MGAT4C: variants seen among roughly 807,000 people sequenced by gnomAD.
MGAT4C encodes alpha-1,3-mannosyl-glycoprotein 4-beta-N-acetylglucosaminyltransferase C.
Under a neutral mutation model 40.1 loss-of-function variants are expected in MGAT4C, and 19 were observed. The observed-to-expected ratio is 0.47, with a 90% CI of 0.33 to 0.70. The LOEUF is 0.70. Ranked by LOEUF, MGAT4C falls within the 30% of genes least tolerant of loss-of-function variation. The pLI, the probability that MGAT4C is intolerant of heterozygous loss-of-function variation, is 0.02. For synonymous variants in MGAT4C, 181 were observed against 187.1 expected (o/e 0.97, Z 0.27); for missense variants, 491 against 563.2 (o/e 0.87, Z 1.30).
chr12:86,154,926 A>G (rs2135781124), intron 1 of MGAT4C, among the ~76,000 whole-genome samples: 1 of 152,296 alleles, frequency 6.6e-6, no homozygotes, highest in East Asian at 1.9e-4. Context: ...CGGTGGAAAT[A>G]AGACCAACAA....
intron 3 of MGAT4C, among the ~76,000 whole-genome samples, chr12:86,399,760 C>G (rs1038972521): frequency 1.3e-5 from 2 of 152,154 alleles, no homozygotes; most frequent in Non-Finnish European, 2.9e-5. Context: ...CACCCCAACT[C>G]CACAGCAACA....
chr12:86,205,331 T>C, intron 1 of MGAT4C, among the ~76,000 whole-genome samples: 1 of 16,656 alleles, frequency 6.0e-5, no homozygotes, highest in South Asian at 2.9e-3. Context: ...AAATTATAGT[T>C]AGTTTTAAAT....
At position 86,498,433 on chromosome 12, in the gene MGAT4C, A is replaced by G. The variant is rs944619603; in HGVS notation, c.-228-63168T>C. Among the ~76,000 whole-genome samples, 3 of 151,908 alleles carry G rather than the reference A, an allele frequency of 2.0e-5. No individual in the cohort carries two copies. In the East Asian group the frequency reaches 5.8e-4, roughly 29 times the overall value. ...AATATCAGAAAAATTCAGAAAAAGC[A>G]AGGCATGCATGAAAACATAAAATAT... On this transcript the variant is annotated intron_variant, in intron 2 of 7. Coordinates refer to the MGAT4C transcript ENST00000548651.
At chr12:86,752,005 A>G (rs910205283) in intron 1 of MGAT4C, among the ~76,000 whole-genome samples, 4 of 151,980 alleles carry the variant, frequency 2.6e-5, no homozygotes, top group Non-Finnish European at 5.9e-5. Context: ...TATTATTTTC[A>G]TATGTCTTGG....
rs914234677 is a variant in MGAT4C, at chr12:86,778,323, G to A, written c.-261-51082C>T. Among the ~76,000 whole-genome samples, 3 of 152,156 alleles carry A rather than the reference G, an allele frequency of 2.0e-5. 1 individual carries two copies. The highest frequency in any genetic ancestry group is 7.2e-5 in the African/African-American group (3 of 41,444). On this transcript the variant is annotated intron_variant, in intron 1 of 7. Coordinates refer to the MGAT4C transcript ENST00000548651. ...GGAGAATAAGCTGCGTAAATAAAGAGAAGATGTATAATTTTAGACAACTTG... is the reference window on the plus strand; with the variant it reads ...GGAGAATAAGCTGCGTAAATAAAGAAAAGATGTATAATTTTAGACAACTTG...
intron 1 of MGAT4C, among the ~76,000 whole-genome samples, chr12:86,137,134 T>G (rs1461829284): frequency 6.6e-6 from 1 of 152,178 alleles, no homozygotes. Context: ...TATACATTCT[T>G]TCCAAGTCGA....
chr12:86,380,844 C>T (rs1410055072), intron 3 of MGAT4C, among the ~76,000 whole-genome samples: 2 of 152,006 alleles, frequency 1.3e-5, no homozygotes, highest in South Asian at 2.1e-4. Context: ...AAATGCCTAA[C>T]GTCTAAAATC....
At chr12:86,732,436 A>G (rs1183138454) in intron 1 of MGAT4C, among the ~76,000 whole-genome samples, 1 of 152,144 alleles carries the variant, frequency 6.6e-6, no homozygotes, top group Non-Finnish European at 1.5e-5. Context: ...GTAACTCACC[A>G]TAATGTAGAA....
intron 2 of MGAT4C, among the ~76,000 whole-genome samples, chr12:86,524,437 T>G (rs567797217): frequency 1.3e-5 from 2 of 152,330 alleles, no homozygotes; most frequent in South Asian, 4.1e-4. Context: ...CTCTGGCTAC[T>G]GTTAGTCTGA....
In MGAT4C at chr12:86,308,942, C is replaced by A. The variant is rs182705616; in HGVS notation, c.-57+25123G>T. ...GAAAGTTTGAACTGATTATCTGTAA[C>A]CAGAGAGCTATATTTTTTGAAGAGA... On this transcript the variant is annotated intron_variant, in intron 4 of 7. Transcript: ENST00000548651. 8.0e-5 allele frequency among the ~76,000 whole-genome samples: 12 copies of A among 150,486 alleles called. 2 individuals carry two copies. The highest frequency in any genetic ancestry group is 2.7e-4 in the African/African-American group (11 of 40,022).
chr12:86,421,101 G>C (rs1415611457), intron 3 of MGAT4C, among the ~76,000 whole-genome samples: 5 of 151,926 alleles, frequency 3.3e-5, no homozygotes, highest in African/African-American at 1.2e-4. Flanking sequence ...ATCTTCTCTG[G>C]AAAGTAGAAT....
In MGAT4C at chr12:86,619,944, G is replaced by A. The variant is rs568545289; in HGVS notation, c.-229+107265C>T. Among the ~76,000 whole-genome samples the A allele has an allele frequency of 7.9e-5, 12 of 152,240 alleles. No individual in the cohort carries two copies. In the South Asian group the frequency reaches 1.0e-3, roughly 13 times the overall value. On this transcript the variant is annotated intron_variant, in intron 2 of 7. Transcript: ENST00000548651. ...AAACCTAAATTTAGAAAAGTGATATGTAATTGTTGAAGAAATAAATGAATT... is the reference window on the plus strand; with the variant it reads ...AAACCTAAATTTAGAAAAGTGATATATAATTGTTGAAGAAATAAATGAATT...
chr12:86,649,923 A>C lies in MGAT4C; in HGVS notation c.-229+77286T>G, dbSNP rs1220402011. 3.6e-4 allele frequency among the ~76,000 whole-genome samples: 54 copies of C among 151,932 alleles called. 1 individual carries two copies. The highest frequency in any genetic ancestry group is 4.4e-5 in the Non-Finnish European group (3 of 67,914). ...ATTTGAAAATATTAAAAATGTTAAA[A>C]AGAATTTCAAAGTCAGTAGGACAAC... On this transcript the variant is annotated intron_variant, in intron 2 of 7. Transcript: ENST00000548651.
chr12:86,265,742 A>C (rs756924013), intron 4 of MGAT4C, among the ~76,000 whole-genome samples: 2 of 152,212 alleles, frequency 1.3e-5, no homozygotes, highest in Admixed American at 6.5e-5. Context: ...AGATTCAATG[A>C]AAGTATGGTC....
upstream of MGAT4C, among the ~76,000 whole-genome samples, chr12:86,258,044 A>G (rs988641935): frequency 3.3e-5 from 5 of 152,084 alleles, no homozygotes; most frequent in African/African-American, 1.2e-4. Flanking sequence ...CGTTGTTATG[A>G]AAACAATCAA....
At chr12:86,476,281 C>G (rs1360691967) in intron 2 of MGAT4C, among the ~76,000 whole-genome samples, 1 of 151,980 alleles carries the variant, frequency 6.6e-6, no homozygotes, top group African/African-American at 2.4e-5. Flanking sequence ...GGGCACTTCT[C>G]AAAAGACACT....
chr12:86,825,393 T>A (rs1332544509), intron 1 of MGAT4C, among the ~76,000 whole-genome samples: 2 of 151,392 alleles, frequency 1.3e-5, no homozygotes, highest in East Asian at 3.9e-4. Context: ...ATTCATATAA[T>A]TTTTTAATGT....
chr12:86,639,936 C>A (rs944804874), intron 2 of MGAT4C, among the ~76,000 whole-genome samples: 1 of 151,586 alleles, frequency 6.6e-6, no homozygotes, highest in Non-Finnish European at 1.5e-5. Flanking sequence ...GTAACAGGCC[C>A]AATCAGATAT....
chr12:86,279,589 C>G (rs952543909), intron 4 of MGAT4C, among the ~76,000 whole-genome samples: 5 of 151,268 alleles, frequency 3.3e-5, no homozygotes, highest in Non-Finnish European at 7.4e-5. Flanking sequence ...CGAAAACAAG[C>G]AACATTTTGT....
Sources: gnomAD v4.1 joint callset for allele counts (sites outside exome capture counted in the v4.1 genomes callset) on GRCh38, gnomAD v4.1.1 for gene constraint, MANE v1.5 for transcripts, NCBI Gene and HGNC (gene_info 2026-07-23, HGNC 2026-07-21) for gene names.